ALDH1A2: variants seen among roughly 807,000 people sequenced by gnomAD.
The protein encoded by ALDH1A2 is aldehyde dehydrogenase 1 family member A2, also known as retinal dehydrogenase 2.
Under a neutral mutation model 60.3 loss-of-function variants are expected in ALDH1A2, and 27 were observed. That is an observed-to-expected ratio of 0.45 (90% CI 0.33 to 0.62). The LOEUF is 0.62. ALDH1A2 is among the 20% of genes least tolerant of loss of function. ALDH1A2 has a pLI of 0.02. For synonymous variants in ALDH1A2, 289 were observed against 232.4 expected, an observed-to-expected ratio of 1.24 and a Z score of -2.21; for missense variants, 581 against 643.8, an observed-to-expected ratio of 0.90 and a Z score of 1.06.
intron 1 of ALDH1A2, among the ~76,000 whole-genome samples, chr15:58,028,922 G>A (rs949910423): frequency 3.3e-5 from 5 of 152,086 alleles, no homozygotes; most frequent in Admixed American, 1.3e-4. Context: ...GACCTACAAA[G>A]AGACTTAGAC....
intron 1 of ALDH1A2, among the ~76,000 whole-genome samples, chr15:58,030,386 A>T (rs868342161): frequency 2.0e-5 from 3 of 152,222 alleles, no homozygotes; most frequent in Non-Finnish European, 4.4e-5. Context: ...GATAGAATGT[A>T]TCTCAAAATA....
intron 1 of ALDH1A2, among the ~76,000 whole-genome samples, chr15:58,037,343 T>C (rs530043312): frequency 6.6e-6 from 1 of 151,652 alleles, no homozygotes; most frequent in South Asian, 2.1e-4. Context: ...AGTTAAAAAA[T>C]GGAGTGAAAA....
intron 4 of ALDH1A2, among the ~76,000 whole-genome samples, chr15:58,004,158 A>G (rs1418919614): frequency 6.6e-6 from 1 of 151,874 alleles, no homozygotes; most frequent in Non-Finnish European, 1.5e-5. Context: ...CAAGTATTCT[A>G]GTTGAAGGCT....
intron 7 of ALDH1A2, among the ~76,000 whole-genome samples, chr15:57,977,933 CTGAG>C (rs1447017733): frequency 1.3e-5 from 2 of 152,086 alleles, no homozygotes; most frequent in Non-Finnish European, 2.9e-5. Context: ...AGTTTTATTC[CTGAG>C]TATTTTATTC....
intron 7 of ALDH1A2, among the ~76,000 whole-genome samples, chr15:57,981,327 C>CACACACACAGAG (rs1333117134): frequency 6.9e-6 from 1 of 144,242 alleles, no homozygotes; most frequent in African/African-American, 2.8e-5. Context: ...CACACACACA[C>CACACACACAGAG]AGACACACAC....
intron 1 of ALDH1A2, among the ~76,000 whole-genome samples, chr15:58,016,374 C>T (rs962047231): frequency 9.2e-5 from 14 of 152,044 alleles, no homozygotes; most frequent in Non-Finnish European, 1.9e-4. Flanking sequence ...GAACCCCTGA[C>T]CTCAGGTGAT....
chr15:57,962,531 T>C (rs1467466121), intron 9 of ALDH1A2, among the ~76,000 whole-genome samples: 1 of 152,196 alleles, frequency 6.6e-6, no homozygotes, highest in African/African-American at 2.4e-5. Context: ...ATGAGTAACT[T>C]AGCAAGTTGT....
chr15:57,984,957 C>T (rs1894646982), intron 7 of ALDH1A2, among the ~76,000 whole-genome samples: 4 of 152,094 alleles, frequency 2.6e-5, no homozygotes, highest in Non-Finnish European at 5.9e-5. Context: ...ATCTTGCATT[C>T]CTGGGATAAA....
intron 3 of ALDH1A2, among the ~76,000 whole-genome samples, chr15:58,013,022 G>A (rs1320094039): frequency 1.3e-5 from 2 of 152,148 alleles, no homozygotes; most frequent in Non-Finnish European, 2.9e-5. Flanking sequence ...TTTAAAAACA[G>A]CAACAACAAC....
intron 1 of ALDH1A2, among the ~76,000 whole-genome samples, chr15:58,016,238 G>C (rs1440700937): frequency 6.6e-6 from 1 of 151,810 alleles, no homozygotes; most frequent in Non-Finnish European, 1.5e-5. Flanking sequence ...TGCCGCCCGG[G>C]GTTCAAGTGA....
At chr15:58,053,889 C>T (rs149225218) in intron 1 of ALDH1A2, among the ~76,000 whole-genome samples, 337 of 152,274 alleles carry the variant, frequency 2.2e-3, no homozygotes, top group East Asian at 0.013. Context: ...ACAGCCAACA[C>T]GTGTAGTCTT....
At chr15:58,028,132 G>C (rs1896128723) in intron 1 of ALDH1A2, among the ~76,000 whole-genome samples, 1 of 152,140 alleles carries the variant, frequency 6.6e-6, no homozygotes, top group Non-Finnish European at 1.5e-5. Context: ...AGGAAAAAAT[G>C]TTAAGGGCAG....
chr15:58,005,440 A>C (rs565951288), intron 4 of ALDH1A2, among the ~76,000 whole-genome samples: 1 of 152,130 alleles, frequency 6.6e-6, no homozygotes, highest in Admixed American at 6.6e-5. Context: ...AGATGCTAAA[A>C]AAAATCTGCT....
At chr15:58,011,664 A>G (rs1221040691) in intron 3 of ALDH1A2, among the ~76,000 whole-genome samples, 1 of 152,196 alleles carries the variant, frequency 6.6e-6, no homozygotes, top group African/African-American at 2.4e-5. Flanking sequence ...ATATTCTCCA[A>G]TCAATGAGAT....
chr15:58,050,208 G>C (rs559707227), intron 1 of ALDH1A2, among the ~76,000 whole-genome samples: 2 of 150,320 alleles, frequency 1.3e-5, no homozygotes, highest in African/African-American at 4.9e-5. Context: ...AAAAAAAAAA[G>C]TCTTTCTACT....
At chr15:57,964,746 C>T (rs1456154869) in intron 8 of ALDH1A2, 1 of 152,436 alleles carries the variant, frequency 6.6e-6, no homozygotes, top group Non-Finnish European at 1.5e-5. Context: ...ATATCTTACA[C>T]TTCAAAACAG....
chr15:58,049,244 G>T (rs1009612114), intron 1 of ALDH1A2, among the ~76,000 whole-genome samples: 1 of 151,978 alleles, frequency 6.6e-6, no homozygotes, highest in Non-Finnish European at 1.5e-5. Context: ...AGATCCAGTT[G>T]TGCCTCTATT....
intron 7 of ALDH1A2, among the ~76,000 whole-genome samples, 161 bp from the exon 8 acceptor site, chr15:57,965,988 G>C (rs1460899801): frequency 6.6e-6 from 1 of 152,224 alleles, no homozygotes; most frequent in Non-Finnish European, 1.5e-5. Flanking sequence ...ATGTAAGTTA[G>C]TGGGGTACAG....
At chr15:58,025,450 A>G (rs1034925626) in intron 1 of ALDH1A2, among the ~76,000 whole-genome samples, 11 of 152,216 alleles carry the variant, frequency 7.2e-5, no homozygotes, top group African/African-American at 2.7e-4. Flanking sequence ...TAAGCTACCA[A>G]GATTGAATCA....
Sources: allele counts gnomAD v4.1 joint callset (sites outside exome capture counted in the v4.1 genomes callset), GRCh38; gene constraint gnomAD v4.1.1; transcripts MANE v1.5; gene names NCBI Gene and HGNC (gene_info 2026-07-23, HGNC 2026-07-21).